RIT2: variants seen among roughly 807,000 people sequenced by gnomAD.
RIT2 encodes GTP-binding protein Rit2.
Under a neutral mutation model 23.7 loss-of-function variants are expected in RIT2, and 24 were observed. That is an observed-to-expected ratio of 1.01 (90% CI 0.73 to 1.43). The LOEUF is 1.43. Among genes scored for constraint, RIT2 ranks in the 40% most tolerant of loss-of-function variants. RIT2 has a pLI of 0.00. For synonymous variants in RIT2, 107 were observed against 91.1 expected (o/e 1.17, Z -0.99); for missense variants, 236 against 266.9 (o/e 0.88, Z 0.81).
At chr18:42,806,100 AAT>A (rs58214096) in intron 4 of RIT2, among the ~76,000 whole-genome samples, 41,951 of 139,542 alleles carry the variant, frequency 0.3, 7,266 homozygotes, top group Non-Finnish European at 0.41. Flanking sequence ...TAATAAAATT[AAT>A]ATATATATAT....
chr18:42,851,248 T>C (rs1257103328), intron 4 of RIT2, among the ~76,000 whole-genome samples: 1 of 152,234 alleles, frequency 6.6e-6, no homozygotes, highest in Non-Finnish European at 1.5e-5. Flanking sequence ...TTTACATTTG[T>C]GGTGTGCTTA....
intron 1 of RIT2, among the ~76,000 whole-genome samples, chr18:43,048,897 G>A (rs1248135466): frequency 6.6e-6 from 1 of 152,002 alleles, no homozygotes. Context: ...TCATTTTTCT[G>A]TTGTTTAATT....
chr18:43,088,097 ATATC>A (rs1913328534), intron 1 of RIT2, among the ~76,000 whole-genome samples: 2 of 152,132 alleles, frequency 1.3e-5, no homozygotes, highest in Non-Finnish European at 2.9e-5. Context: ...AACTGTTAAA[ATATC>A]TCAGATGTCT....
chr18:42,776,669 G>A (rs780688149), intron 4 of RIT2, among the ~76,000 whole-genome samples: 4 of 151,924 alleles, frequency 2.6e-5, no homozygotes, highest in Non-Finnish European at 4.4e-5. Context: ...AGGACACTGA[G>A]GCTCAGAGAG....
intron 2 of RIT2, among the ~76,000 whole-genome samples, chr18:42,977,545 A>G (rs1910502440): frequency 6.6e-6 from 1 of 151,946 alleles, no homozygotes; most frequent in Non-Finnish European, 1.5e-5. Flanking sequence ...CATTTTTCCA[A>G]TGTATAATGG....
chr18:42,967,121 A>G (rs1221414682), intron 3 of RIT2, among the ~76,000 whole-genome samples: 2 of 152,068 alleles, frequency 1.3e-5, no homozygotes, highest in African/African-American at 4.8e-5. Flanking sequence ...CTTTTTGTGA[A>G]AAATATCATA....
intron 4 of RIT2, among the ~76,000 whole-genome samples, chr18:42,909,335 A>G (rs548958932): frequency 6.6e-6 from 1 of 152,244 alleles, no homozygotes; most frequent in South Asian, 2.1e-4. Flanking sequence ...GACTTTTAGG[A>G]GTAGGGTGAG....
intron 1 of RIT2, among the ~76,000 whole-genome samples, chr18:43,035,024 A>C (rs1429226775): frequency 1.3e-5 from 2 of 152,198 alleles, no homozygotes; most frequent in Non-Finnish European, 2.9e-5. Flanking sequence ...TCCTGGATTA[A>C]ATTTATTTTT....
chr18:43,091,314 A>G lies in RIT2; in HGVS notation c.103+24103T>C, dbSNP rs563020402. ...CATTCACTTGTAGAGATTAGACAACAAATGGCAATCTTAAGACAGAGACAT... is the reference window on the plus strand; with the variant it reads ...CATTCACTTGTAGAGATTAGACAACGAATGGCAATCTTAAGACAGAGACAT... On this transcript the variant is annotated intron_variant, in intron 1 of 4. Coordinates refer to ENST00000326695, the MANE Select transcript of RIT2 (RefSeq NM_002930.4). Among the ~76,000 whole-genome samples, 328 of 152,222 alleles carry G rather than the reference A, an allele frequency of 2.2e-3. 1 individual carries two copies. Among genetic ancestry groups the G allele is most frequent in the Non-Finnish European group, 4.2e-3 (287 of 67,992 alleles).
intron 4 of RIT2, among the ~76,000 whole-genome samples, chr18:42,778,832 A>G (rs544511322): frequency 6.6e-6 from 1 of 152,254 alleles, no homozygotes; most frequent in East Asian, 1.9e-4. Context: ...CCATCCCATA[A>G]TGGGCAAAGA....
intron 2 of RIT2, among the ~76,000 whole-genome samples, chr18:43,008,944 T>G (rs1277561595): frequency 6.6e-6 from 1 of 151,662 alleles, no homozygotes; most frequent in Non-Finnish European, 1.5e-5. Context: ...GAGTTCATGT[T>G]TGTCTTGTTA....
chr18:42,874,367 A>G (rs893608446), intron 4 of RIT2, among the ~76,000 whole-genome samples: 1 of 152,108 alleles, frequency 6.6e-6, no homozygotes, highest in Non-Finnish European at 1.5e-5. Flanking sequence ...ACTTTTTTAT[A>G]TATTTATACT....
intron 4 of RIT2, among the ~76,000 whole-genome samples, chr18:42,900,002 CAATT>C (rs1908432501): frequency 6.6e-6 from 1 of 151,722 alleles, no homozygotes. Context: ...AATTTAAAAA[CAATT>C]AATAAAATTT....
At chr18:42,913,529 AAAAAAG>A (rs1272689221) in intron 4 of RIT2, among the ~76,000 whole-genome samples, 1 of 151,150 alleles carries the variant, frequency 6.6e-6, no homozygotes, top group African/African-American at 2.4e-5. Context: ...ACTTAAACTT[AAAAAAG>A]AAACAATCCA....
At chr18:42,817,285 G>C (rs1438105615) in intron 4 of RIT2, among the ~76,000 whole-genome samples, 1 of 152,078 alleles carries the variant, frequency 6.6e-6, no homozygotes, top group Non-Finnish European at 1.5e-5. Context: ...CTAGTTAAAA[G>C]GTTTCACAGA....
At chr18:42,840,747 C>T (rs1402712473) in intron 4 of RIT2, among the ~76,000 whole-genome samples, 2 of 152,224 alleles carry the variant, frequency 1.3e-5, no homozygotes, top group South Asian at 2.1e-4. Flanking sequence ...GTGATCCACC[C>T]GCCTTGGCCT....
intron 1 of RIT2, among the ~76,000 whole-genome samples, chr18:43,106,321 T>C (rs1228796778): frequency 6.6e-6 from 1 of 152,188 alleles, no homozygotes; most frequent in Non-Finnish European, 1.5e-5. Flanking sequence ...TTTTAAAGCA[T>C]ATTAAGAGGA....
At chr18:43,012,397 T>G (rs559973630) in intron 2 of RIT2, among the ~76,000 whole-genome samples, 1 of 151,982 alleles carries the variant, frequency 6.6e-6, no homozygotes, top group Admixed American at 6.6e-5. Flanking sequence ...AAACTTGAAT[T>G]GATATACAAC....
intron 1 of RIT2, among the ~76,000 whole-genome samples, chr18:43,040,479 C>G (rs1399722086): frequency 1.3e-5 from 2 of 152,132 alleles, no homozygotes; most frequent in East Asian, 3.9e-4. Flanking sequence ...TTCCCAGATC[C>G]TCTCATCAAG....
Sources: gnomAD v4.1 joint callset for allele counts (sites outside exome capture counted in the v4.1 genomes callset) on GRCh38, gnomAD v4.1.1 for gene constraint, MANE v1.5 for transcripts, NCBI Gene and HGNC (gene_info 2026-07-23, HGNC 2026-07-21) for gene names.